The following FOXN3 variants were observed in gnomAD, a reference collection of about 807,000 sequenced individuals.
FOXN3 encodes forkhead box N3.
FOXN3 carries 7 observed loss-of-function variants against 38.4 expected under a neutral mutation model. That is an observed-to-expected ratio of 0.18 (90% CI 0.10 to 0.34). FOXN3 has a LOEUF of 0.34. FOXN3 is among the 10% of genes least tolerant of loss of function. The probability of loss-of-function intolerance (pLI) is 1.00; values close to 1 mark genes in which losing one functional copy is unlikely to be tolerated. For synonymous variants in FOXN3, 230 were observed against 242.2 expected, an observed-to-expected ratio of 0.95 and a Z score of 0.47; for missense variants, 456 against 613.4, an observed-to-expected ratio of 0.74 and a Z score of 2.71.
At chr14:89,445,165 T>G (rs1892468697) in intron 1 of FOXN3, among the ~76,000 whole-genome samples, 3 of 152,084 alleles carry the variant, frequency 2.0e-5, no homozygotes, top group African/African-American at 7.2e-5. Flanking sequence ...AAAAGTTGCT[T>G]GCAAGCAGAC....
At chr14:89,390,648 A>T (rs2140076756) in intron 2 of FOXN3, among the ~76,000 whole-genome samples, 1 of 152,262 alleles carries the variant, frequency 6.6e-6, no homozygotes, top group East Asian at 1.9e-4. Context: ...ATAAAACAGC[A>T]GGTATTACAG....
intron 2 of FOXN3, among the ~76,000 whole-genome samples, chr14:89,360,092 A>G (rs1470372903): frequency 6.6e-6 from 1 of 152,086 alleles, no homozygotes. Flanking sequence ...GCCTAGGTTT[A>G]TTTCACTATG....
intron 1 of FOXN3, among the ~76,000 whole-genome samples, chr14:89,572,044 A>C (rs763189288): frequency 1.6e-4 from 24 of 152,230 alleles, no homozygotes; most frequent in Non-Finnish European, 3.2e-4. Context: ...TTAAATTAGA[A>C]GTAGAGTTTT....
chr14:89,450,461 T>C (rs898068915), intron 1 of FOXN3, among the ~76,000 whole-genome samples: 11 of 152,280 alleles, frequency 7.2e-5, no homozygotes, highest in African/African-American at 2.6e-4. Flanking sequence ...GCAGATAATA[T>C]AGGCATGTTA....
chr14:89,205,940 C>T (rs1212689979), intron 4 of FOXN3, among the ~76,000 whole-genome samples: 2 of 152,212 alleles, frequency 1.3e-5, no homozygotes, highest in Admixed American at 1.3e-4. Context: ...GGGAACTTCT[C>T]CCGTTTCAAT....
intron 3 of FOXN3, among the ~76,000 whole-genome samples, chr14:89,316,222 A>G (rs1887715000): frequency 6.6e-6 from 1 of 152,172 alleles, no homozygotes. Context: ...TCGCTTCCTG[A>G]AGGATGTGAG....
Position 89,548,359 on chromosome 14 carries a change from G to T in FOXN3, c.-15+70669C>A, listed in dbSNP as rs554221038. ...ATGTATGCGGCTAGGCTACATATAC[G>T]GTTATAAAGATGTGCACATATCACA... On this transcript the variant is annotated intron_variant, in intron 1 of 6. Transcript: ENST00000345097. The surrounding 1 kb of genome is among the most constrained non-coding windows in gnomAD (Gnocchi z 4.8). 3.2e-4 allele frequency among the ~76,000 whole-genome samples: 49 copies of T among 152,108 alleles called. No individual in the cohort carries two copies. The highest frequency in any genetic ancestry group is 1.1e-3 in the African/African-American group (47 of 41,478).
chr14:89,367,967 C>T (rs1890205643), intron 2 of FOXN3, among the ~76,000 whole-genome samples: 1 of 152,178 alleles, frequency 6.6e-6, no homozygotes, highest in Non-Finnish European at 1.5e-5. Context: ...CCTGTGAGAT[C>T]AAAAGGTAGG....
intron 2 of FOXN3, among the ~76,000 whole-genome samples, chr14:89,404,437 G>A (rs1042995517): frequency 2.3e-4 from 34 of 148,012 alleles, no homozygotes; most frequent in Admixed American, 5.5e-4. Context: ...CTGGGAAGGC[G>A]GAGGTTGCAG....
chr14:89,323,301 A>AAG (rs1555417898), intron 3 of FOXN3, among the ~76,000 whole-genome samples: 27 of 142,972 alleles, frequency 1.9e-4, no homozygotes, highest in African/African-American at 3.1e-4. Context: ...AAAAAAAAAA[A>AAG]AAAGAAAGAA....
intron 4 of FOXN3, among the ~76,000 whole-genome samples, chr14:89,280,004 A>C (rs952104294): frequency 1.3e-5 from 2 of 152,164 alleles, no homozygotes; most frequent in African/African-American, 2.4e-5. Flanking sequence ...GCTCTCAACC[A>C]ATCAATAGAC....
At chr14:89,489,404 G>A (rs774150967) in intron 1 of FOXN3, among the ~76,000 whole-genome samples, 17 of 152,194 alleles carry the variant, frequency 1.1e-4, no homozygotes, top group Non-Finnish European at 1.8e-4. Flanking sequence ...ACATGTTTCT[G>A]ATGCCCTTGA....
chr14:89,281,025 A>C lies in FOXN3; in HGVS notation c.681-11T>G, dbSNP rs1329681576. On this transcript the variant is annotated splice_polypyrimidine_tract_variant and intron_variant, in intron 3 of 5. Transcript: ENST00000557258. ...GGTGGACCTGATGTGCTGAAAGAGAAAAGAAACTAGCATAAGGCCAAGTTC... is the reference window on the plus strand; with the variant it reads ...GGTGGACCTGATGTGCTGAAAGAGACAAGAAACTAGCATAAGGCCAAGTTC... 6 of 1,612,472 alleles carry C rather than the reference A, an allele frequency of 3.7e-6. No homozygotes were observed. Among genetic ancestry groups the C allele is most frequent in the Middle Eastern group, 1.6e-4 (1 of 6,082 alleles).
intron 1 of FOXN3, among the ~76,000 whole-genome samples, chr14:89,558,631 T>C (rs1260952847): frequency 2.0e-5 from 3 of 152,224 alleles, no homozygotes; most frequent in Non-Finnish European, 4.4e-5. Flanking sequence ...GATTCTGGGA[T>C]CAAACTCCTT....
intron 1 of FOXN3, among the ~76,000 whole-genome samples, chr14:89,507,872 T>A (rs1200154301): frequency 6.6e-6 from 1 of 152,200 alleles, no homozygotes; most frequent in African/African-American, 2.4e-5. Flanking sequence ...AGCATTTAGA[T>A]AATGAAGCCT....
At chr14:89,180,935 CACACACACACGTGCACAT>C in intron 4 of FOXN3, 129 bp from the exon 5 acceptor site, 2 of 599,280 alleles carry the variant, frequency 3.3e-6, no homozygotes, top group African/African-American at 4.5e-5. Flanking sequence ...GAGAGAAACA[CACACACACACGTGCACAT>C]ACACACACAC....
intron 1 of FOXN3, among the ~76,000 whole-genome samples, chr14:89,510,778 C>T (rs192897295): frequency 6.6e-6 from 1 of 152,110 alleles, no homozygotes; most frequent in Non-Finnish European, 1.5e-5. Flanking sequence ...ACCGGCCCTA[C>T]TAAAAATACA....
intron 5 of FOXN3, among the ~76,000 whole-genome samples, chr14:89,176,180 G>A (rs929682896): frequency 1.3e-5 from 2 of 152,160 alleles, no homozygotes; most frequent in Non-Finnish European, 2.9e-5. Flanking sequence ...AGTCAACACC[G>A]TAAAGTCAAT....
At chr14:89,194,644 C>T (rs1044993798) in intron 4 of FOXN3, among the ~76,000 whole-genome samples, 1 of 151,724 alleles carries the variant, frequency 6.6e-6, no homozygotes, top group Admixed American at 6.6e-5. Flanking sequence ...ATAATGCTTG[C>T]TCTTATCTAT....
Sources: gnomAD v4.1 joint callset for allele counts (sites outside exome capture counted in the v4.1 genomes callset) on GRCh38, gnomAD v4.1.1 for gene constraint, Gnocchi (gnomAD v3.1) non-coding constraint, MANE v1.5 for transcripts, NCBI Gene and HGNC (gene_info 2026-07-23, HGNC 2026-07-21) for gene names.